The following ADGRL3 variants were observed in gnomAD, a reference collection of about 807,000 sequenced individuals.
ADGRL3 encodes adhesion G protein-coupled receptor L3.
A neutral mutation model predicts 153.5 loss-of-function variants in ADGRL3; 62 were observed. The ratio of observed to expected loss-of-function variants is 0.40; its 90% CI spans 0.33 to 0.50. ADGRL3 has a LOEUF of 0.50. Among genes scored for constraint, ADGRL3 ranks in the 20% least tolerant of loss-of-function variants. The pLI, the probability that ADGRL3 is intolerant of heterozygous loss-of-function variation, is 0.47. For synonymous variants in ADGRL3, 710 were observed against 672.5 expected (o/e 1.06, Z -0.86); for missense variants, 1,641 against 1,859.4 (o/e 0.88, Z 2.16).
intron 2 of ADGRL3, among the ~76,000 whole-genome samples, chr4:61,424,252 G>T (rs1448327063): frequency 1.3e-5 from 2 of 152,116 alleles, no homozygotes; most frequent in Non-Finnish European, 2.9e-5. Context: ...GCATGGGATT[G>T]TGCACCTGCG....
At chr4:61,747,684 A>C (rs2096686371) in intron 8 of ADGRL3, among the ~76,000 whole-genome samples, 1 of 142,570 alleles carries the variant, frequency 7.0e-6, no homozygotes, top group Non-Finnish European at 1.5e-5. Flanking sequence ...CTCTCAATAA[A>C]TTAGGTATTG....
chr4:61,723,416 GA>G (rs2096273347), intron 6 of ADGRL3, among the ~76,000 whole-genome samples: 1 of 152,036 alleles, frequency 6.6e-6, no homozygotes, highest in Admixed American at 6.6e-5. Flanking sequence ...CAAGAAAGAA[GA>G]AAAAAGCTCC....
intron 9 of ADGRL3, among the ~76,000 whole-genome samples, chr4:61,881,957 G>A (rs1005982426): frequency 2.0e-5 from 3 of 152,096 alleles, no homozygotes; most frequent in Non-Finnish European, 4.4e-5. Context: ...ATGTTTTGTT[G>A]TTCACTGAGA....
At chr4:61,736,784 G>C (rs115671645) in intron 8 of ADGRL3, among the ~76,000 whole-genome samples, 1 of 152,120 alleles carries the variant, frequency 6.6e-6, no homozygotes, top group Non-Finnish European at 1.5e-5. Context: ...TTTGAACAAC[G>C]ACAATTAAGA....
intron 21 of ADGRL3, among the ~76,000 whole-genome samples, chr4:62,012,580 C>T (rs545550803): frequency 6.6e-6 from 1 of 152,240 alleles, no homozygotes; most frequent in South Asian, 2.1e-4. Context: ...AGATATACTC[C>T]TTGTCACATC....
intron 5 of ADGRL3, among the ~76,000 whole-genome samples, chr4:61,599,114 A>G (rs1239793912): frequency 1.3e-5 from 2 of 152,208 alleles, no homozygotes; most frequent in East Asian, 1.9e-4. Context: ...TAAATTGTTC[A>G]TTTTTATACT....
intron 2 of ADGRL3, among the ~76,000 whole-genome samples, chr4:61,387,202 A>G (rs1056749167): frequency 6.6e-6 from 1 of 152,128 alleles, no homozygotes; most frequent in African/African-American, 2.4e-5. Flanking sequence ...AAGGGAAGGG[A>G]GTGTGCGAAG....
At chr4:61,398,752 G>C (rs369830537) in intron 2 of ADGRL3, among the ~76,000 whole-genome samples, 1 of 151,026 alleles carries the variant, frequency 6.6e-6, no homozygotes, top group African/African-American at 2.4e-5. Flanking sequence ...CCTTGCCATA[G>C]TCTTGAAATA....
intron 9 of ADGRL3, among the ~76,000 whole-genome samples, chr4:61,845,610 C>T (rs2098107525): frequency 6.6e-6 from 1 of 151,342 alleles, no homozygotes; most frequent in Non-Finnish European, 1.5e-5. Context: ...ACGTTACCCT[C>T]CCTCCTGGGC....
intron 2 of ADGRL3, among the ~76,000 whole-genome samples, chr4:61,462,913 C>G (rs1208246015): frequency 6.6e-6 from 1 of 152,120 alleles, no homozygotes; most frequent in Non-Finnish European, 1.5e-5. Flanking sequence ...TGGGCCTAGT[C>G]AGAACTGTTT....
At chr4:61,755,327 G>A (rs1253446158) in intron 8 of ADGRL3, among the ~76,000 whole-genome samples, 2 of 152,072 alleles carry the variant, frequency 1.3e-5, no homozygotes, top group African/African-American at 4.8e-5. Flanking sequence ...GGTGTGAGAT[G>A]GTATCTCACT....
At chr4:61,776,819 A>AG (rs1201860164) in intron 8 of ADGRL3, among the ~76,000 whole-genome samples, 2 of 152,198 alleles carry the variant, frequency 1.3e-5, no homozygotes, top group African/African-American at 4.8e-5. Context: ...TTTTCCCAAA[A>AG]CAATGCATCA....
In ADGRL3 at chr4:61,284,019, T is replaced by C. The variant is rs545849354; in HGVS notation, c.-240+82254T>C. ...AATCACAAGGTTGTAGTCCTTGTGT[T>C]TGTGAACCAAGTACCTAATGGATCC... On this transcript the variant is annotated intron_variant, in intron 1 of 26. Transcript: ENST00000683033. Among the ~76,000 whole-genome samples the C allele has an allele frequency of 2.0e-5, 3 of 152,116 alleles. No homozygotes were observed. In the South Asian group the frequency reaches 6.2e-4, roughly 32 times the overall value.
At chr4:61,759,449 T>G (rs2096881636) in intron 8 of ADGRL3, among the ~76,000 whole-genome samples, 1 of 152,220 alleles carries the variant, frequency 6.6e-6, no homozygotes, top group Non-Finnish European at 1.5e-5. Context: ...TACGCTTTCT[T>G]CCAGTTGATC....
At chr4:61,945,912 G>C (rs1463211491) in intron 15 of ADGRL3, among the ~76,000 whole-genome samples, 2 of 152,152 alleles carry the variant, frequency 1.3e-5, no homozygotes, top group Non-Finnish European at 2.9e-5. Context: ...CGCTCACGCT[G>C]GGAGCTGTAG....
At chr4:61,203,268 C>T (rs533741045) in intron 1 of ADGRL3, among the ~76,000 whole-genome samples, 1 of 152,252 alleles carries the variant, frequency 6.6e-6, no homozygotes, top group East Asian at 1.9e-4. Flanking sequence ...TGGGAGAACT[C>T]GAGGCTTGCG....
At chr4:61,537,298 C>T (rs569891711) in intron 4 of ADGRL3, among the ~76,000 whole-genome samples, 1 of 151,798 alleles carries the variant, frequency 6.6e-6, no homozygotes, top group Non-Finnish European at 1.5e-5. Flanking sequence ...ACCCTTTTCT[C>T]TATCTGCCTT....
intron 1 of ADGRL3, among the ~76,000 whole-genome samples, chr4:61,234,080 G>A (rs1751850523): frequency 6.6e-6 from 1 of 152,082 alleles, no homozygotes. Context: ...GACTTACAGA[G>A]CTTAGAGGTA....
At chr4:61,984,494 G>T (rs1391927801) in intron 19 of ADGRL3, among the ~76,000 whole-genome samples, 1 of 152,092 alleles carries the variant, frequency 6.6e-6, no homozygotes, top group Admixed American at 6.6e-5. Flanking sequence ...CCTGAGCCCA[G>T]CCTTTGAGAT....
Sources: allele counts gnomAD v4.1 joint callset (sites outside exome capture counted in the v4.1 genomes callset), GRCh38; gene constraint gnomAD v4.1.1; transcripts MANE v1.5; gene names NCBI Gene and HGNC (gene_info 2026-07-23, HGNC 2026-07-21).